Variants in LNX2 observed in about 807,000 individuals in gnomAD.
LNX2 encodes the protein ligand of numb-protein X 2.
In LNX2, 35 loss-of-function variants were observed where a neutral mutation model predicts 66.2. The ratio of observed to expected loss-of-function variants is 0.53; its 90% CI spans 0.40 to 0.70. LNX2 has a LOEUF of 0.70. Among genes scored for constraint, LNX2 ranks in the 30% least tolerant of loss-of-function variants. LNX2 has a pLI of 0.00. For synonymous variants in LNX2, 337 were observed against 315.6 expected, an observed-to-expected ratio of 1.07 and a Z score of -0.72; for missense variants, 791 against 850.8, an observed-to-expected ratio of 0.93 and a Z score of 0.87.
chr13:27,550,665 T>C (rs1008802489), intron 8 of LNX2, among the ~76,000 whole-genome samples, 174 bp from the exon 9 acceptor site: 35 of 152,100 alleles, frequency 2.3e-4, no homozygotes, highest in African/African-American at 7.5e-4. Flanking sequence ...CAGTCCTAGG[T>C]AGACTCAAAT....
chr13:27,598,353 A>G (rs1487047860), intron 1 of LNX2, among the ~76,000 whole-genome samples: 1 of 152,166 alleles, frequency 6.6e-6, no homozygotes, highest in East Asian at 1.9e-4. Context: ...AGAACACAGG[A>G]CAAGGACAGA....
chr13:27,560,029 T>C (rs758898253), intron 5 of LNX2, 44 bp from the exon 6 acceptor site: 22 of 1,493,030 alleles, frequency 1.5e-5, no homozygotes, highest in Non-Finnish European at 1.7e-5. Flanking sequence ...CTAATGATGT[T>C]TGTCATTTTA....
intron 1 of LNX2, among the ~76,000 whole-genome samples, chr13:27,583,309 G>C (rs1378654704): frequency 6.7e-6 from 1 of 148,174 alleles, no homozygotes; most frequent in Admixed American, 6.7e-5. Flanking sequence ...TGCCCGGCTG[G>C]AGTACAGCGG....
At chr13:27,553,123 A>T in intron 8 of LNX2, 85 bp downstream of exon 8, 1 of 1,101,870 alleles carries the variant, frequency 9.1e-7, no homozygotes, top group Admixed American at 2.3e-5. Context: ...TTTTATCCCA[A>T]CGAGTAAATT....
intron 7 of LNX2, among the ~76,000 whole-genome samples, chr13:27,555,105 C>T (rs1955041923): frequency 6.6e-6 from 1 of 152,162 alleles, no homozygotes; most frequent in South Asian, 2.1e-4. Context: ...CACACCACCA[C>T]AGCTAGCTAA....
chr13:27,581,312 G>A lies in LNX2; in HGVS notation c.392C>T (p.Ala131Val), dbSNP rs1382895318. 6.8e-7 allele frequency: 1 copy of A among 1,477,808 alleles called. No individual in the cohort carries two copies. Among genetic ancestry groups the A allele is most frequent in the African/African-American group, 1.4e-5 (1 of 70,918 alleles). 91.5% of individuals were successfully genotyped at this position (1,477,808 alleles called of 1,614,324 possible). Residue 131 changes from alanine to valine, a missense_variant, in exon 2 of 10, where the codon GCA becomes GTA. By Grantham distance (64) the Ala-to-Val change is moderately conservative. Coordinates refer to ENST00000316334, the MANE Select transcript of LNX2 (RefSeq NM_153371.4). ...TTTTGCTTACCTGTTTTTGAGATGT[G>A]CCTCCAGATCACAACGTTGCATTAC... is the stretch of plus-strand genomic sequence containing the variant. ...KDVMQRCDLEAHLKNRCPGAS... is the reference protein window; with the variant it reads ...KDVMQRCDLEVHLKNRCPGAS...
At chr13:27,618,509 TG>T (rs1241475732) in intron 1 of LNX2, among the ~76,000 whole-genome samples, 1 of 152,178 alleles carries the variant, frequency 6.6e-6, no homozygotes, top group African/African-American at 2.4e-5. Context: ...CTCCAGACGC[TG>T]CAGATATCTT....
chr13:27,566,326 G>T (rs1017814259), intron 4 of LNX2, among the ~76,000 whole-genome samples: 8 of 152,186 alleles, frequency 5.3e-5, no homozygotes, highest in African/African-American at 1.9e-4. Context: ...GAAGAAGACT[G>T]CTATGTCTGG....
intron 1 of LNX2, among the ~76,000 whole-genome samples, chr13:27,584,671 G>A (rs1955463037): frequency 6.6e-6 from 1 of 152,178 alleles, no homozygotes; most frequent in African/African-American, 2.4e-5. Context: ...GGGCAACAAA[G>A]CGAGACCCTG....
At chr13:27,583,220 G>GCGCGCGCGTGTCCTCTCCAATATAACTT (rs1416930539) in intron 1 of LNX2, among the ~76,000 whole-genome samples, 6 of 18,428 alleles carry the variant, frequency 3.3e-4, no homozygotes, top group East Asian at 3.0e-3. Context: ...GTGTGTGTGT[G>GCGCGCGCGTGTCCTCTCCAATATAACTT]TGTGTGTGTG....
chr13:27,554,343 G>A (rs543648784), intron 7 of LNX2, among the ~76,000 whole-genome samples: 37 of 152,112 alleles, frequency 2.4e-4, no homozygotes, highest in Non-Finnish European at 2.2e-4. Context: ...TCACAGTTGT[G>A]CAATCATCAC....
At chr13:27,555,812 T>C (rs190836942) in intron 7 of LNX2, among the ~76,000 whole-genome samples, 40 of 152,340 alleles carry the variant, frequency 2.6e-4, no homozygotes, top group Non-Finnish European at 4.9e-4. Context: ...ATAGCATTGA[T>C]AGGGAATATG....
At position 27,553,222 on chromosome 13, in the gene LNX2, C is replaced by G. The variant is rs767042868; in HGVS notation, c.1764G>C (p.Trp588Cys). ...GCGCTCAGTACCTGGGAAGCCCAAG[C>G]CACATGACCCATGATGGGGACCAAC... is the stretch of plus-strand genomic sequence containing the variant. Reference protein sequence around the residue: ...DASWSPSWVMWLGLPSTLHSC... With the variant: ...DASWSPSWVMCLGLPSTLHSC... Residue 588 changes from tryptophan (W) to cysteine (C), a missense_variant, in exon 8 of 10, where the codon TGG becomes TGC. Transcript: ENST00000316334. The G allele has an allele frequency of 2.5e-6, 4 of 1,614,070 alleles. No homozygotes were observed. The South Asian group carries it at 4.4e-5, about 18-fold the overall frequency.
At chr13:27,558,729 C>A (rs1369988732) in intron 6 of LNX2, among the ~76,000 whole-genome samples, 8 of 152,204 alleles carry the variant, frequency 5.3e-5, no homozygotes, top group African/African-American at 1.9e-4. Context: ...TTCCTTCATA[C>A]ATTTTGGTTT....
chr13:27,602,927 C>CA (rs1186747229), intron 1 of LNX2, among the ~76,000 whole-genome samples: 8 of 151,968 alleles, frequency 5.3e-5, no homozygotes, highest in African/African-American at 1.9e-4. Context: ...AGATACAGCA[C>CA]AAAAATAATT....
At chr13:27,588,451 T>G (rs1294965987) in intron 1 of LNX2, among the ~76,000 whole-genome samples, 1 of 152,222 alleles carries the variant, frequency 6.6e-6, no homozygotes, top group Non-Finnish European at 1.5e-5. Flanking sequence ...GTTCCATGCA[T>G]ATAACATTCT....
chr13:27,554,849 CA>C (rs1216541995), intron 7 of LNX2, among the ~76,000 whole-genome samples: 2 of 152,342 alleles, frequency 1.3e-5, no homozygotes, highest in African/African-American at 4.8e-5. Flanking sequence ...TTCCCACCAG[CA>C]ATTAATGAGG....
intron 1 of LNX2, among the ~76,000 whole-genome samples, chr13:27,604,147 G>A (rs1378156677): frequency 6.6e-6 from 1 of 152,234 alleles, no homozygotes; most frequent in African/African-American, 2.4e-5. Context: ...TCAGGAGGCT[G>A]AGGCAGGAGA....
At chr13:27,550,240 T>C (rs1954989603) in intron 9 of LNX2, 93 bp downstream of exon 9, 1 of 1,097,572 alleles carries the variant, frequency 9.1e-7, no homozygotes, top group Non-Finnish European at 1.3e-6. Flanking sequence ...AAAAAGATAA[T>C]GGGCTGGATT....
Sources: allele counts gnomAD v4.1 joint callset (sites outside exome capture counted in the v4.1 genomes callset), GRCh38; gene constraint gnomAD v4.1.1; transcripts MANE v1.5; gene names NCBI Gene and HGNC (gene_info 2026-07-23, HGNC 2026-07-21).